CEP57: variants seen among roughly 807,000 people sequenced by gnomAD.
CEP57 encodes the protein centrosomal protein of 57 kDa.
Under a neutral mutation model 68.0 loss-of-function variants are expected in CEP57, and 40 were observed. The ratio of observed to expected loss-of-function variants is 0.59; its 90% CI spans 0.46 to 0.77. CEP57 has a LOEUF of 0.77. CEP57 is among the 30% of genes least tolerant of loss of function. The pLI, the probability that CEP57 is intolerant of heterozygous loss-of-function variation, is 0.00. For synonymous variants in CEP57, 219 were observed against 198.7 expected (o/e 1.10, Z -0.86); for missense variants, 606 against 580.7 (o/e 1.04, Z -0.45).
intron 5 of CEP57, among the ~76,000 whole-genome samples, chr11:95,818,285 G>A (rs940358836): frequency 2.6e-5 from 4 of 151,794 alleles, no homozygotes; most frequent in African/African-American, 7.3e-5. Flanking sequence ...CGTGGCGCAT[G>A]CCTGTAATCG....
At chr11:95,803,410 T>C (rs189230778) in intron 2 of CEP57, among the ~76,000 whole-genome samples, 513 of 152,100 alleles carry the variant, frequency 3.4e-3, no homozygotes, top group Non-Finnish European at 4.9e-3. Flanking sequence ...GAGGGGTTTC[T>C]CCAGAAAAAG....
intron 2 of CEP57, among the ~76,000 whole-genome samples, chr11:95,807,631 C>A (rs1465400734): frequency 6.6e-6 from 1 of 151,908 alleles, no homozygotes; most frequent in Non-Finnish European, 1.5e-5. Context: ...GATTGAAGAT[C>A]AAATGAATGA....
chr11:95,802,796 C>G (rs998786627), intron 2 of CEP57, among the ~76,000 whole-genome samples: 1 of 152,178 alleles, frequency 6.6e-6, no homozygotes, highest in African/African-American at 2.4e-5. Context: ...ACCTCACAGG[C>G]CCTGGGAAAG....
At position 95,831,008 on chromosome 11, in the gene CEP57, C is replaced by T. The variant is rs761759937; in HGVS notation, c.1273-18C>T. ...ATTAAATTCTCCTTTTCCTTCCTGC[C>T]TTGGTTATTTGGTATAGCTGGAGAA... On this transcript the variant is annotated intron_variant, in intron 10 of 10. Transcript: ENST00000325542. 1.3e-6 allele frequency: 2 copies of T among 1,564,224 alleles called. No individual in the cohort carries two copies. The highest frequency in any genetic ancestry group is 1.8e-6 in the Non-Finnish European group (2 of 1,135,266).
At chr11:95,799,149 A>G (rs1861467396) in intron 1 of CEP57, 83 bp from the exon 2 acceptor site, 1 of 1,380,250 alleles carries the variant, frequency 7.2e-7, no homozygotes, top group Non-Finnish European at 1.0e-6. Flanking sequence ...TGGACAGTCA[A>G]TCTCAGTCAT....
In CEP57 at chr11:95,813,637, A is replaced by G. The variant is rs1259565539; in HGVS notation, c.504+48A>G. 1.6e-5 allele frequency: 26 copies of G among 1,606,478 alleles called. No individual in the cohort carries two copies. The South Asian group carries it at 2.8e-4, about 17-fold the overall frequency. On this transcript the variant is annotated intron_variant, in intron 4 of 10. Coordinates refer to ENST00000325542, the MANE Select transcript of CEP57 (RefSeq NM_014679.5). ...TGATACTCAAGAACAGTTATGGGGA[A>G]AACTAATTGAATAAAGACTTTTTTT...
rs1205724213 is a variant in CEP57, at chr11:95,799,257, C to G, written c.71C>G (p.Ser24Cys). Residue 24 changes from serine (S) to cysteine (C), a missense_variant, in exon 2 of 11, where the codon TCT becomes TGT. Ser to Cys is a moderately radical substitution (Grantham distance 112, BLOSUM62 -1). Coordinates refer to ENST00000325542, the MANE Select transcript of CEP57 (RefSeq NM_014679.5). ...LSNSFAEPSRSNGSMVRHSSS... is the reference protein window; with the variant it reads ...LSNSFAEPSRCNGSMVRHSSS... ...AACAGCTTTGCTGAGCCATCAAGGT[C>G]TAATGGAAGCATGGTTCGGCATTCT... The G allele has an allele frequency of 1.9e-6, 3 of 1,613,938 alleles. No individual in the cohort carries two copies. Among genetic ancestry groups the G allele is most frequent in the Admixed American group, 1.7e-5 (1 of 59,994 alleles).
chr11:95,831,234 G>A lies in CEP57; in HGVS notation c.1481G>A (p.Ser494Asn). Residue 494 changes from serine (S) to asparagine (N), a missense_variant, in exon 11 of 11, where the codon AGT becomes AAT. Transcript: ENST00000325542. Reference protein sequence around the residue: ...MQSIQNSLQSSSLCWDY With the variant: ...MQSIQNSLQSNSLCWDY The stretch of plus-strand genomic sequence containing the variant: ...AGCATACAGAATTCATTACAAAGCA[G>A]TAGTTTGTGTTGGGATTACTGACTC... 6.2e-7 allele frequency: 1 copy of A among 1,612,620 alleles called. No individual in the cohort carries two copies. The highest frequency in any genetic ancestry group is 1.1e-5 in the South Asian group (1 of 91,018).
Position 95,827,776 on chromosome 11 carries a change from C to T in CEP57, c.886-10C>T, listed in dbSNP as rs371287467. 1 of 1,613,666 alleles carries T rather than the reference C, an allele frequency of 6.2e-7. No homozygotes were observed. The highest frequency in any genetic ancestry group is 1.3e-5 in the African/African-American group (1 of 74,912). On this transcript the variant is annotated splice_polypyrimidine_tract_variant and intron_variant, in intron 8 of 10. Coordinates refer to ENST00000325542, the MANE Select transcript of CEP57 (RefSeq NM_014679.5). ...TTCAATTACTTCTTTCATCATTTTT[C>T]TTCCTTTAGTCCACAAGCCCTAGCC...
In CEP57 at chr11:95,831,130, C is replaced by T. The variant is rs144292940; in HGVS notation, c.1377C>T (p.Thr459=). The change falls in exon 11 of 11, where the codon ACC becomes ACT. Residue 459 remains threonine (T), a synonymous_variant. Transcript: ENST00000325542. The part of the protein sequence containing the change: ...NSSSRSGITG[T]TNKKDFMKLR... ...GCAGCCGTTCTGGAATCACAGGGAC[C>T]ACAAATAAGAAAGATTTTATGAAAC... The T allele has an allele frequency of 3.4e-5, 55 of 1,613,120 alleles. No homozygotes were observed. The highest frequency in any genetic ancestry group is 4.4e-5 in the Non-Finnish European group (52 of 1,179,510).
chr11:95,794,187 C>T (rs1565308180), intron 1 of CEP57: 1 of 452,752 alleles, frequency 2.2e-6, no homozygotes, highest in Non-Finnish European at 4.4e-6. Context: ...CAAGGGGCAA[C>T]TCTAGGGCAG....
rs764563354 is a variant in CEP57 at position 95,790,657 on chromosome 11, G to C, written c.-42G>C. ...TCTTGGAGAAGAGCACGAGAACCTA[G>C]ACCGCCCCCGAAGTGCGGAGACCCC... On this transcript the variant is annotated 5_prime_UTR_variant, in exon 1 of 11. Coordinates refer to ENST00000325542, the MANE Select transcript of CEP57 (RefSeq NM_014679.5). 5.6e-6 allele frequency: 9 copies of C among 1,608,326 alleles called. No homozygotes were observed. The Admixed American group carries it at 1.2e-4, about 21-fold the overall frequency.
intron 2 of CEP57, among the ~76,000 whole-genome samples, chr11:95,806,471 G>A (rs752545357): frequency 5.3e-5 from 8 of 152,170 alleles, no homozygotes; most frequent in Non-Finnish European, 8.8e-5. Flanking sequence ...CCCTTTCCTA[G>A]CCAAGGGAAG....
At chr11:95,816,525 G>A (rs1268748273) in intron 4 of CEP57, among the ~76,000 whole-genome samples, 1 of 152,192 alleles carries the variant, frequency 6.6e-6, no homozygotes, top group African/African-American at 2.4e-5. Flanking sequence ...ACTAATATAT[G>A]TCTTGGAGAC....
chr11:95,814,716 T>C (rs1042926061), intron 4 of CEP57, among the ~76,000 whole-genome samples: 1 of 152,224 alleles, frequency 6.6e-6, no homozygotes, highest in Non-Finnish European at 1.5e-5. Flanking sequence ...ATCTAGAGTT[T>C]GCATTCATTA....
In CEP57 at chr11:95,799,338, G is replaced by A. The variant is rs549840259; in HGVS notation, c.152G>A (p.Arg51Gln). The change falls in exon 2 of 11, where the codon CGA becomes CAA. Residue 51 changes from arginine to glutamine, a missense_variant. Physicochemically the swap from Arg to Gln is conservative, Grantham distance 43. Coordinates refer to ENST00000325542, the MANE Select transcript of CEP57 (RefSeq NM_014679.5). ...AAGCCTTTCCTTAATAGTGATCTAC[G>A]ACGCTCCCCAAGTAAGCCTACACTT... ...SDKPFLNSDL[R>Q]RSPSKPTLAY... 12 of 1,614,002 alleles carry A rather than the reference G, an allele frequency of 7.4e-6. No homozygotes were observed. The East Asian group carries it at 1.1e-4, about 15-fold the overall frequency.
chr11:95,820,170 T>A (rs1422098405), intron 6 of CEP57, among the ~76,000 whole-genome samples: 1 of 152,214 alleles, frequency 6.6e-6, no homozygotes, highest in East Asian at 1.9e-4. Context: ...TATTTTCTCC[T>A]TCATTTAGCA....
intron 1 of CEP57, among the ~76,000 whole-genome samples, chr11:95,791,694 G>T (rs7124233): frequency 0.13 from 19,361 of 152,186 alleles, 2,619 homozygotes; most frequent in African/African-American, 0.34. Flanking sequence ...GCTTGGGTAG[G>T]CTAGAGAAGG....
chr11:95,797,987 A>G (rs1459276676), intron 1 of CEP57, among the ~76,000 whole-genome samples: 4 of 152,232 alleles, frequency 2.6e-5, no homozygotes, highest in African/African-American at 4.8e-5. Context: ...ACCTTTGACA[A>G]TATTATAAAG....
Sources: gnomAD v4.1 joint callset for allele counts (sites outside exome capture counted in the v4.1 genomes callset) on GRCh38, gnomAD v4.1.1 for gene constraint, MANE v1.5 for transcripts, NCBI Gene and HGNC (gene_info 2026-07-23, HGNC 2026-07-21) for gene names.